Variants in CNOT7 observed in about 807,000 individuals in gnomAD.
CNOT7 encodes the protein BTG1-binding factor 1.
A neutral mutation model predicts 37.1 loss-of-function variants in CNOT7; 4 were observed. The observed-to-expected ratio is 0.11, with a 90% confidence interval of 0.05 to 0.25. CNOT7 has a LOEUF of 0.25. Ranked by LOEUF, CNOT7 falls within the 10% of genes least tolerant of loss-of-function variation. The pLI is 1.00. For synonymous variants in CNOT7, 128 were observed against 115.6 expected (o/e 1.11, Z -0.69); for missense variants, 170 against 336.2 (o/e 0.51, Z 3.87).
In CNOT7 at chr8:17,225,341, T is replaced by C. The variant is rs1250647117; in HGVS notation, c.*5379A>G. ...AATAAAGCAAGAGGGCAGATTATAT[T>C]CATGAATGCTTCTCATATACAAAAA... On this transcript the variant is annotated 3_prime_UTR_variant, in exon 7 of 7. Transcript: ENST00000361272. The C allele has an allele frequency of 2.0e-5, 3 of 151,710 alleles. No homozygotes were observed. Among genetic ancestry groups the C allele is most frequent in the Non-Finnish European group, 4.4e-5 (3 of 67,692 alleles). 9.4% of individuals were successfully genotyped at this position (151,710 alleles called of 1,614,324 possible). A position where few individuals can be genotyped will look rare whatever the true frequency, so the allele number is the denominator to read the frequency against.
At chr8:17,233,024 T>A (rs116009808) in intron 5 of CNOT7, among the ~76,000 whole-genome samples, 2 of 152,208 alleles carry the variant, frequency 1.3e-5, no homozygotes, top group African/African-American at 4.8e-5. Flanking sequence ...TGCTTCACTA[T>A]GGTTTTCTTA....
At chr8:17,235,792 T>C (rs1284540004) in intron 4 of CNOT7, among the ~76,000 whole-genome samples, 5 of 152,236 alleles carry the variant, frequency 3.3e-5, no homozygotes, top group African/African-American at 1.2e-4. Context: ...AAACAACTAA[T>C]GATATTTAAT....
chr8:17,245,327 G>A (rs1810772767), intron 1 of CNOT7, 80 bp from the exon 2 acceptor site: 6 of 597,190 alleles, frequency 1.0e-5, no homozygotes, highest in Non-Finnish European at 1.3e-5. Flanking sequence ...AGGAACCTAA[G>A]AAGTTATTTA....
At chr8:17,236,135 G>C (rs964327305) in intron 4 of CNOT7, among the ~76,000 whole-genome samples, 2 of 152,200 alleles carry the variant, frequency 1.3e-5, no homozygotes, top group Non-Finnish European at 1.5e-5. Flanking sequence ...GTAAGAATGA[G>C]TGTGTTCAGT....
At chr8:17,232,115 G>A in intron 6 of CNOT7, 2 of 1,037,124 alleles carry the variant, frequency 1.9e-6, no homozygotes, top group South Asian at 2.3e-5. Context: ...CTAGTAATGT[G>A]TTTAATCATG....
intron 3 of CNOT7, among the ~76,000 whole-genome samples, chr8:17,238,450 C>G (rs1410988812): frequency 1.3e-5 from 2 of 150,524 alleles, no homozygotes; most frequent in African/African-American, 4.9e-5. Flanking sequence ...ACGTAAAAGT[C>G]AGTCTCCCCT....
At position 17,226,559 on chromosome 8, in the gene CNOT7, T is replaced by A. The variant is rs2150960983; in HGVS notation, c.*4161A>T. ...TTCCAACAGAAGATTAAGAGGAAAC[T>A]TTAAAAGCATTTAATTGCAGTTAAA... On this transcript the variant is annotated 3_prime_UTR_variant, in exon 7 of 7. Transcript: ENST00000361272. 1 of 151,818 alleles carries A rather than the reference T, an allele frequency of 6.6e-6. No individual in the cohort carries two copies. The highest frequency in any genetic ancestry group is 1.5e-5 in the Non-Finnish European group (1 of 67,694). 9.4% of individuals were successfully genotyped at this position (151,818 alleles called of 1,614,324 possible). A position where few individuals can be genotyped will look rare whatever the true frequency, so the allele number is the denominator to read the frequency against.
At position 17,225,676 on chromosome 8, in the gene CNOT7, T is replaced by C. The variant is rs1391732474; in HGVS notation, c.*5044A>G. The C allele has an allele frequency of 6.6e-6, 1 of 151,772 alleles. No homozygotes were observed. The highest frequency in any genetic ancestry group is 1.9e-4 in the East Asian group (1 of 5,196). 9.4% of individuals were successfully genotyped at this position (151,772 alleles called of 1,614,324 possible). A position where few individuals can be genotyped will look rare whatever the true frequency, so the allele number is the denominator to read the frequency against. ...ACCTGAAATGAAAATTCTGCAGGAT[T>C]TGGATGTGTACAGTCCTACGTTTCT... is the stretch of plus-strand genomic sequence containing the variant. On this transcript the variant is annotated 3_prime_UTR_variant, in exon 7 of 7. Transcript: ENST00000361272.
chr8:17,244,188 G>C (rs1013428860), intron 2 of CNOT7: 1 of 159,350 alleles, frequency 6.3e-6, no homozygotes, highest in African/African-American at 2.4e-5. Context: ...CAGTAGGGTA[G>C]CTAACAGATA....
At chr8:17,245,906 C>T (rs760890615) in intron 1 of CNOT7, 2 of 151,638 alleles carry the variant, frequency 1.3e-5, no homozygotes, top group Non-Finnish European at 2.9e-5. Flanking sequence ...CCTGTTGATT[C>T]TTGGGCAGGG....
intron 3 of CNOT7, among the ~76,000 whole-genome samples, chr8:17,239,970 T>G (rs1236681979): frequency 6.6e-6 from 1 of 152,198 alleles, no homozygotes; most frequent in South Asian, 2.1e-4. Flanking sequence ...TTCTTAGACT[T>G]AGGCAATAGA....
At chr8:17,234,989 C>A in intron 4 of CNOT7, 129 bp from the exon 5 acceptor site, 1 of 685,176 alleles carries the variant, frequency 1.5e-6, no homozygotes, top group Non-Finnish European at 2.4e-6. Context: ...AAGAGAAGTG[C>A]ACACAAGAAC....
intron 4 of CNOT7, among the ~76,000 whole-genome samples, chr8:17,236,988 G>C (rs933452330): frequency 6.6e-6 from 1 of 152,152 alleles, no homozygotes; most frequent in Non-Finnish European, 1.5e-5. Flanking sequence ...AACCTGTACT[G>C]TTTCCACTAT....
chr8:17,237,147 C>T, intron 4 of CNOT7, 65 bp downstream of exon 4: 1 of 1,502,488 alleles, frequency 6.7e-7, no homozygotes, highest in Non-Finnish European at 9.2e-7. Context: ...ACATAGTGAC[C>T]CAAGTAAGTG....
chr8:17,241,275 AT>A (rs376615996), intron 3 of CNOT7: 61 of 130,724 alleles, frequency 4.7e-4, no homozygotes, highest in Admixed American at 1.0e-3. Context: ...GCTTAGTTTC[AT>A]TTTTTTTTTT....
At chr8:17,245,301 G>A in intron 1 of CNOT7, 54 bp from the exon 2 acceptor site, 1 of 733,950 alleles carries the variant, frequency 1.4e-6, no homozygotes, top group Non-Finnish European at 2.0e-6. Context: ...CTGAATCACA[G>A]AATAATTGAT....
chr8:17,233,005 T>A (rs954521417), intron 5 of CNOT7, among the ~76,000 whole-genome samples: 1 of 152,208 alleles, frequency 6.6e-6, no homozygotes, highest in South Asian at 2.1e-4. Context: ...TCATTAAGAG[T>A]ATGCTAAATG....
intron 2 of CNOT7, among the ~76,000 whole-genome samples, chr8:17,244,049 T>C (rs1810550676): frequency 6.6e-6 from 1 of 152,194 alleles, no homozygotes; most frequent in Non-Finnish European, 1.5e-5. Context: ...GAAATCAATA[T>C]TTCTCTAAAT....
intron 1 of CNOT7, among the ~76,000 whole-genome samples, chr8:17,245,659 T>C (rs926827904): frequency 2.6e-5 from 4 of 152,110 alleles, no homozygotes; most frequent in Non-Finnish European, 5.9e-5. Flanking sequence ...TCCTCATTAA[T>C]AAAACAACCA....
Sources: allele counts gnomAD v4.1 joint callset (sites outside exome capture counted in the v4.1 genomes callset), GRCh38; gene constraint gnomAD v4.1.1; transcripts MANE v1.5; gene names NCBI Gene and HGNC (gene_info 2026-07-23, HGNC 2026-07-21).